The following DNAI2 variants were observed in gnomAD, a reference collection of about 807,000 sequenced individuals.
DNAI2 encodes dynein axonemal intermediate chain 2, also known as dynein, axonemal, intermediate polypeptide 2.
In DNAI2, 63 loss-of-function variants were observed where a neutral mutation model predicts 74.7. The observed-to-expected ratio is 0.84, with a 90% CI of 0.69 to 1.04. The LOEUF (loss-of-function observed/expected upper bound fraction) is 1.04, where lower values mean the gene tolerates loss of function less well. Ranked by LOEUF, DNAI2 falls within the 50% of genes least tolerant of loss-of-function variation. DNAI2 has a pLI of 0.00. For synonymous variants in DNAI2, 289 were observed against 314.9 expected, an observed-to-expected ratio of 0.92 and a Z score of 0.87; for missense variants, 688 against 803.2, an observed-to-expected ratio of 0.86 and a Z score of 1.73.
At chr17:74,314,060 G>A in intron 12 of DNAI2, 61 bp from the exon 13 acceptor site, 1 of 1,611,968 alleles carries the variant, frequency 6.2e-7, no homozygotes, top group Non-Finnish European at 8.5e-7. Flanking sequence ...CACATCCCAG[G>A]GGAGTGGGGA....
At position 74,281,807 on chromosome 17, in the gene DNAI2, C is replaced by A; in HGVS notation, c.-11C>A. 6.2e-7 allele frequency: 1 copy of A among 1,613,498 alleles called. No homozygotes were observed. ...CCCACACCCTCCCTCTGCCCCCCAG[C>A]AGCCGGCACCATGGAGATTGTGTAC... is the stretch of plus-strand genomic sequence containing the variant. On this transcript the variant is annotated splice_region_variant and 5_prime_UTR_variant, in exon 2 of 14. Transcript: ENST00000311014.
At chr17:74,299,424 C>G (rs2052628503) in intron 6 of DNAI2, among the ~76,000 whole-genome samples, 1 of 152,116 alleles carries the variant, frequency 6.6e-6, no homozygotes, top group African/African-American at 2.4e-5. Flanking sequence ...TCATGTGTTC[C>G]CCTGCCACTA....
chr17:74,287,201 C>A, intron 4 of DNAI2, 103 bp downstream of exon 4: 1 of 1,525,612 alleles, frequency 6.6e-7, no homozygotes, highest in Non-Finnish European at 8.9e-7. Context: ...CTGGGTGCAG[C>A]ACTGTCTGTG....
chr17:74,285,996 G>T (rs926746532), intron 3 of DNAI2, among the ~76,000 whole-genome samples: 1 of 139,110 alleles, frequency 7.2e-6, no homozygotes, highest in African/African-American at 2.7e-5. Context: ...GAGAGAGAGA[G>T]ATTAATAATT....
intron 2 of DNAI2, 33 bp from the exon 3 acceptor site, chr17:74,285,007 G>A (rs756395499): frequency 6.2e-7 from 1 of 1,613,828 alleles, no homozygotes; most frequent in South Asian, 1.1e-5. Flanking sequence ...GTATACCAGG[G>A]TGACGTCTTC....
chr17:74,277,454 G>A (rs542425763), intron 1 of DNAI2, among the ~76,000 whole-genome samples: 1 of 152,164 alleles, frequency 6.6e-6, no homozygotes, highest in Admixed American at 6.5e-5. Flanking sequence ...TCTGGTTAAG[G>A]TTGAGTTGCT....
chr17:74,298,932 G>A (rs1347963923), intron 6 of DNAI2, among the ~76,000 whole-genome samples: 1 of 152,108 alleles, frequency 6.6e-6, no homozygotes, highest in Admixed American at 6.5e-5. Context: ...CTGAGCAGGC[G>A]TATCTAAGAA....
Position 74,305,368 on chromosome 17 carries a change from CT to C in DNAI2, c.1139del (p.Phe380SerfsTer2). On this transcript the variant is annotated frameshift_variant, in exon 9 of 14. Transcript: ENST00000311014. LOFTEE classifies it high-confidence loss of function. ...LQRNPFYPKN[F>X]LTVGDWTARI... ...AGAGAAACCCCTTCTACCCGAAGAA[CT>C]TCCTGACGGTTGGCGACTGGACAGC... The C allele has an allele frequency of 6.2e-7, 1 of 1,614,196 alleles. No individual in the cohort carries two copies. Among genetic ancestry groups the C allele is most frequent in the Non-Finnish European group, 8.5e-7 (1 of 1,180,042 alleles).
At chr17:74,287,910 G>T (rs1017034233) in intron 4 of DNAI2, among the ~76,000 whole-genome samples, 1 of 149,718 alleles carries the variant, frequency 6.7e-6, no homozygotes, top group Non-Finnish European at 1.5e-5. Flanking sequence ...AGCCGAGATC[G>T]CACCACTGCA....
At position 74,287,027 on chromosome 17, in the gene DNAI2, G is replaced by A. The variant is rs777369529; in HGVS notation, c.396G>A (p.Glu132=). The part of the protein sequence containing the change: ...KQNNAIDIYE[E]YFNDEEAMEV... ...ACAATGCCATTGACATCTATGAAGA[G>A]TATTTCAATGACGAGGAGGCCATGG... The change falls in exon 4 of 14, where the codon GAG becomes GAA. Residue 132 remains glutamate (E), a synonymous_variant. Transcript: ENST00000311014. 7.9e-5 allele frequency: 127 copies of A among 1,613,794 alleles called. 2 individuals carry two copies. In the Admixed American group the frequency reaches 2.1e-3, roughly 27 times the overall value.
In DNAI2 at chr17:74,292,443, G is replaced by A. The variant is rs1256228339; in HGVS notation, c.724+1310G>A. On this transcript the variant is annotated intron_variant, in intron 6 of 13. Transcript: ENST00000311014. ...TTTTTTTTTTTTTTTTTGAGACAGA[G>A]TTTTACTCTGTTGCCCAGGCTGGAG... is the stretch of plus-strand genomic sequence containing the variant. Among the ~76,000 whole-genome samples, 5 of 113,646 alleles carry A rather than the reference G, an allele frequency of 4.4e-5. No individual in the cohort carries two copies. The Admixed American group carries it at 5.3e-4, about 12-fold the overall frequency. 74.6% of individuals were successfully genotyped at this position (113,646 alleles called of 152,430 possible).
chr17:74,311,940 C>A, intron 11 of DNAI2, 63 bp from the exon 12 acceptor site: 2 of 1,522,294 alleles, frequency 1.3e-6, no homozygotes, highest in South Asian at 1.2e-5. Flanking sequence ...CTGGCCCCAG[C>A]ACTGGAGTCG....
chr17:74,296,772 C>T (rs1256689050), intron 6 of DNAI2, among the ~76,000 whole-genome samples: 1 of 152,170 alleles, frequency 6.6e-6, no homozygotes, highest in Non-Finnish European at 1.5e-5. Context: ...CCTCATTCTG[C>T]TCCCTCTTGT....
At chr17:74,303,345 T>C (rs548024993) in intron 8 of DNAI2, among the ~76,000 whole-genome samples, 1 of 152,280 alleles carries the variant, frequency 6.6e-6, no homozygotes, top group African/African-American at 2.4e-5. Flanking sequence ...TCTGGCTCAC[T>C]GACGGGCGGC....
At chr17:74,286,893 G>T in intron 3 of DNAI2, 84 bp from the exon 4 acceptor site, 1 of 1,588,134 alleles carries the variant, frequency 6.3e-7, no homozygotes, top group Non-Finnish European at 8.6e-7. Flanking sequence ...GCTATGTCCT[G>T]TCCCTCCCAG....
At chr17:74,286,917 C>G (rs1357919322) in intron 3 of DNAI2, 60 bp from the exon 4 acceptor site, 3 of 1,610,628 alleles carry the variant, frequency 1.9e-6, no homozygotes, top group Non-Finnish European at 2.5e-6. Context: ...CCATTGCAGG[C>G]CTGGGCAATC....
At position 74,299,740 on chromosome 17, in the gene DNAI2, C is replaced by T. The variant is rs148488355; in HGVS notation, c.747C>T (p.Gly249=). The stretch of plus-strand genomic sequence containing the variant: ...CAGCCTGCTGGGACACCCGAAAGGG[C>T]AGCCTGGTGGCGGAGCTATCCACCA... The part of the protein sequence containing the change: ...GQIACWDTRK[G]SLVAELSTIE... Residue 249 remains glycine (G), a synonymous_variant, in exon 7 of 14, where the codon GGC becomes GGT. Coordinates refer to ENST00000311014, the MANE Select transcript of DNAI2 (RefSeq NM_023036.6). The T allele has an allele frequency of 8.0e-4, 1,285 of 1,613,514 alleles. 7 individuals are homozygous for T. The African/African-American group carries it at 0.014, about 18-fold the overall frequency.
At chr17:74,285,689 A>G (rs1000056731) in intron 3 of DNAI2, among the ~76,000 whole-genome samples, 4 of 152,224 alleles carry the variant, frequency 2.6e-5, no homozygotes, top group Admixed American at 6.5e-5. Flanking sequence ...ATTGCAGTCC[A>G]TTGGAGGTCA....
At chr17:74,285,936 G>C (rs1026049060) in intron 3 of DNAI2, among the ~76,000 whole-genome samples, 2 of 145,178 alleles carry the variant, frequency 1.4e-5, no homozygotes, top group African/African-American at 5.1e-5. Flanking sequence ...AGAAGGAGAT[G>C]AGTGCCATAT....
Sources: allele counts gnomAD v4.1 joint callset (sites outside exome capture counted in the v4.1 genomes callset), GRCh38; gene constraint gnomAD v4.1.1; transcripts MANE v1.5; gene names NCBI Gene and HGNC (gene_info 2026-07-23, HGNC 2026-07-21).